The following RBFOX1 variants were observed in gnomAD, a reference collection of about 807,000 sequenced individuals.
RBFOX1 encodes the protein RNA binding fox-1 homolog 1.
RBFOX1 carries 8 observed loss-of-function variants against 57.7 expected under a neutral mutation model. The ratio of observed to expected loss-of-function variants is 0.14; its 90% CI spans 0.08 to 0.25. The LOEUF is 0.25. Ranked by LOEUF, RBFOX1 falls within the 10% of genes least tolerant of loss-of-function variation. The pLI is 1.00. For missense variants in RBFOX1, 611 were observed against 548.5 expected (o/e 1.11, Z -1.14); for synonymous variants, 326 against 222.4 (o/e 1.47, Z -4.15).
Position 6,046,650 on chromosome 16 carries a change from G to A in RBFOX1, c.-127+26658G>A, listed in dbSNP as rs578160515. ...GAAAAATTGGCCCAAGGTTAGGGAG[G>A]CAACTTTGGATCCTTCTTGAAATCC... On this transcript the variant is annotated intron_variant, in intron 1 of 15. Transcript: ENST00000550418. Among the ~76,000 whole-genome samples the A allele has an allele frequency of 6.6e-5, 10 of 152,276 alleles. No homozygotes were observed. In the East Asian group the frequency reaches 1.9e-3, roughly 29 times the overall value.
chr16:7,158,063 G>A (rs1026792766), intron 4 of RBFOX1, among the ~76,000 whole-genome samples: 1 of 152,094 alleles, frequency 6.6e-6, no homozygotes, highest in Non-Finnish European at 1.5e-5. Flanking sequence ...AAAACTACAG[G>A]GTTGGCTGGG....
intron 2 of RBFOX1, among the ~76,000 whole-genome samples, chr16:5,580,154 C>T (rs899172660): frequency 2.6e-5 from 4 of 152,178 alleles, no homozygotes; most frequent in Admixed American, 2.0e-4. Flanking sequence ...CCCTCGTTCC[C>T]AGCTGCCTCC....
chr16:6,444,968 C>G (rs1350950130), intron 2 of RBFOX1, among the ~76,000 whole-genome samples: 1 of 151,904 alleles, frequency 6.6e-6, no homozygotes, highest in East Asian at 1.9e-4. Flanking sequence ...GAGAGTAAAA[C>G]TGATGGAGGG....
intron 3 of RBFOX1, among the ~76,000 whole-genome samples, chr16:7,029,784 G>A (rs2153690041): frequency 6.6e-6 from 1 of 152,264 alleles, no homozygotes; most frequent in Middle Eastern, 3.4e-3. Context: ...CATGTGATCT[G>A]ATCTTCACAT....
chr16:5,262,164 C>G (rs1307631062), intron 1 of RBFOX1, among the ~76,000 whole-genome samples: 2 of 152,024 alleles, frequency 1.3e-5, no homozygotes, highest in African/African-American at 2.4e-5. Flanking sequence ...TGAACTAAGC[C>G]TTGAAATAAG....
chr16:7,527,325 G>A (rs1371584995), intron 5 of RBFOX1, among the ~76,000 whole-genome samples: 1 of 151,990 alleles, frequency 6.6e-6, no homozygotes, highest in Non-Finnish European at 1.5e-5. Flanking sequence ...TACTGTGCCT[G>A]TTTTATTATT....
chr16:7,541,462 G>GGTT (rs5815408), intron 5 of RBFOX1, among the ~76,000 whole-genome samples: 18 of 148,102 alleles, frequency 1.2e-4, no homozygotes, highest in African/African-American at 3.2e-4. Context: ...TTTTTATCAG[G>GGTT]TTTTTTTTTT....
At chr16:5,369,392 C>G (rs1567401005) in intron 1 of RBFOX1, among the ~76,000 whole-genome samples, 1 of 152,208 alleles carries the variant, frequency 6.6e-6, no homozygotes, top group Non-Finnish European at 1.5e-5. Flanking sequence ...CTTGGAATAG[C>G]CAGGGACCAG....
chr16:7,058,285 A>G (rs777509896), intron 4 of RBFOX1, among the ~76,000 whole-genome samples: 2 of 152,202 alleles, frequency 1.3e-5, no homozygotes, highest in South Asian at 2.1e-4. Flanking sequence ...AGTTTAAACT[A>G]AAGTATCTTT....
intron 3 of RBFOX1, among the ~76,000 whole-genome samples, chr16:5,731,178 G>A (rs2052358700): frequency 6.6e-6 from 1 of 151,510 alleles, no homozygotes; most frequent in African/African-American, 2.4e-5. Flanking sequence ...CATCACCACT[G>A]CCTTTGTCAC....
chr16:7,449,112 A>G (rs1396399240), intron 4 of RBFOX1, among the ~76,000 whole-genome samples: 1 of 151,822 alleles, frequency 6.6e-6, no homozygotes, highest in Non-Finnish European at 1.5e-5. Context: ...TATTTTTAGT[A>G]GAGACGGGGT....
intron 1 of RBFOX1, among the ~76,000 whole-genome samples, chr16:5,254,766 G>A (rs2062542333): frequency 6.6e-6 from 1 of 152,210 alleles, no homozygotes; most frequent in Admixed American, 6.5e-5. Flanking sequence ...GATGACAGGT[G>A]AAGATACCCA....
intron 3 of RBFOX1, among the ~76,000 whole-genome samples, chr16:6,871,267 C>A (rs111945628): frequency 9.9e-5 from 15 of 152,262 alleles, no homozygotes; most frequent in African/African-American, 3.1e-4. Flanking sequence ...CTCACTCTAA[C>A]CTCCCCCTCC....
At chr16:7,359,422 T>C (rs2097277620) in intron 4 of RBFOX1, among the ~76,000 whole-genome samples, 1 of 152,306 alleles carries the variant, frequency 6.6e-6, no homozygotes, top group Non-Finnish European at 1.5e-5. Context: ...GAATGTGTGA[T>C]ACTAGGGAAA....
At chr16:6,597,679 CAA>C (rs2154001162) in intron 2 of RBFOX1, among the ~76,000 whole-genome samples, 1 of 152,098 alleles carries the variant, frequency 6.6e-6, no homozygotes, top group South Asian at 2.1e-4. Context: ...TCTCAAAAAA[CAA>C]AACAAAACCA....
intron 3 of RBFOX1, among the ~76,000 whole-genome samples, chr16:6,859,155 A>ATATATACGTATATATATATG (rs1555536845): frequency 3.3e-5 from 2 of 60,248 alleles, no homozygotes; most frequent in South Asian, 5.1e-4. Flanking sequence ...ATATATATGT[A>ATATATACGTATATATATATG]TATATATACG....
intron 4 of RBFOX1, among the ~76,000 whole-genome samples, chr16:7,346,499 A>G (rs1007119822): frequency 2.6e-5 from 4 of 151,836 alleles, no homozygotes; most frequent in South Asian, 2.1e-4. Flanking sequence ...CCATGTTAGC[A>G]TTGGTTCTAA....
intron 4 of RBFOX1, among the ~76,000 whole-genome samples, chr16:7,460,144 G>C (rs1395710173): frequency 6.6e-6 from 1 of 151,624 alleles, no homozygotes; most frequent in East Asian, 1.9e-4. Context: ...ATGCTAGTCT[G>C]ATTGTATTTG....
chr16:6,795,747 C>G lies in RBFOX1; in HGVS notation c.-16+141097C>G, dbSNP rs184792874. Among the ~76,000 whole-genome samples, 610 of 147,180 alleles carry G rather than the reference C, an allele frequency of 4.1e-3. 2 individuals are homozygous for G. The highest frequency in any genetic ancestry group is 6.6e-3 in the Non-Finnish European group (444 of 67,260). ...CACCACTGCACTCTAGCCTGGGTGA[C>G]AGAGTGAAACTCCATCTAAAAATAA... On this transcript the variant is annotated intron_variant, in intron 3 of 15. Coordinates refer to ENST00000550418, the MANE Select transcript of RBFOX1 (RefSeq NM_018723.4).
Sources: allele counts gnomAD v4.1 joint callset (sites outside exome capture counted in the v4.1 genomes callset), GRCh38; gene constraint gnomAD v4.1.1; transcripts MANE v1.5; gene names NCBI Gene and HGNC (gene_info 2026-07-23, HGNC 2026-07-21).